The following LRP1B variants were observed in gnomAD, a reference collection of about 807,000 sequenced individuals.
LRP1B encodes LDL receptor related protein 1B, also known as low-density lipoprotein receptor-related protein 1B.
Under a neutral mutation model 556.6 loss-of-function variants are expected in LRP1B, and 217 were observed. The observed-to-expected ratio is 0.39, with a 90% CI of 0.35 to 0.44. LRP1B has a LOEUF of 0.44. LRP1B is among the 20% of genes least tolerant of loss of function. The pLI, the probability that LRP1B is intolerant of heterozygous loss-of-function variation, is 1.00. For missense variants in LRP1B, 5,053 were observed against 5,620.8 expected (o/e 0.90, Z 3.23); for synonymous variants, 2,047 against 1,865.8 (o/e 1.10, Z -2.50).
At chr2:141,651,552 C>G (rs1264135416) in intron 2 of LRP1B, among the ~76,000 whole-genome samples, 1 of 152,076 alleles carries the variant, frequency 6.6e-6, no homozygotes. Context: ...GTAATACCAA[C>G]TACTCAGGAG....
chr2:141,211,344 G>A lies in LRP1B; in HGVS notation c.850+17839C>T, dbSNP rs958480002. On this transcript the variant is annotated intron_variant, in intron 6 of 90. Coordinates refer to ENST00000389484, the MANE Select transcript of LRP1B (RefSeq NM_018557.3). ...AAACAAAAACTAAGCATTCAGGGCC[G>A]GGCACGGTGCCTCATGCCTGTAATC... 8.6e-5 allele frequency among the ~76,000 whole-genome samples: 13 copies of A among 151,530 alleles called. No homozygotes were observed. The East Asian group carries it at 2.1e-3, about 25-fold the overall frequency.
intron 2 of LRP1B, among the ~76,000 whole-genome samples, chr2:141,612,034 G>A (rs935094515): frequency 5.3e-5 from 8 of 152,302 alleles, no homozygotes; most frequent in African/African-American, 1.7e-4. Flanking sequence ...ACAATGGGTA[G>A]CGTTTTATTA....
At chr2:140,326,004 G>A in intron 79 of LRP1B, 126 bp from the exon 80 acceptor site, 1 of 627,722 alleles carries the variant, frequency 1.6e-6, no homozygotes, top group South Asian at 2.0e-5. Context: ...AAATTACCTG[G>A]TGCCCATCAT....
At chr2:141,391,249 T>C (rs1450615308) in intron 3 of LRP1B, among the ~76,000 whole-genome samples, 1 of 152,212 alleles carries the variant, frequency 6.6e-6, no homozygotes, top group African/African-American at 2.4e-5. Flanking sequence ...CACCATAGCC[T>C]AGTACCTTCT....
At chr2:140,336,185 G>A (rs181814551) in intron 77 of LRP1B, among the ~76,000 whole-genome samples, 13 of 151,958 alleles carry the variant, frequency 8.6e-5, no homozygotes, top group Non-Finnish European at 1.3e-4. Context: ...GATTAGTGGC[G>A]TAAAATGTAA....
rs183840482 is a variant in LRP1B, at chr2:141,661,133, C to G, written c.205+149146G>C. 9.2e-5 allele frequency among the ~76,000 whole-genome samples: 14 copies of G among 152,304 alleles called. No individual in the cohort carries two copies. In the East Asian group the frequency reaches 1.4e-3, roughly 15 times the overall value. ...ACAAACAAACAGAAAGCAACAACAA[C>G]AGCATCAACAAAATGTTCCCACAAA... is the stretch of plus-strand genomic sequence containing the variant. On this transcript the variant is annotated intron_variant, in intron 2 of 90. Transcript: ENST00000389484.
Position 142,042,364 on chromosome 2 carries a change from T to A in LRP1B, c.82+88284A>T, listed in dbSNP as rs180733372. Among the ~76,000 whole-genome samples the A allele has an allele frequency of 3.1e-4, 47 of 151,564 alleles. No homozygotes were observed. In the East Asian group the frequency reaches 8.0e-3, roughly 26 times the overall value. On this transcript the variant is annotated intron_variant, in intron 1 of 90. Coordinates refer to ENST00000389484, the MANE Select transcript of LRP1B (RefSeq NM_018557.3). The stretch of plus-strand genomic sequence containing the variant: ...AATGTTTGTGTTCGTTGGTGAAGGC[T>A]GAGCTAATTAGGACGGAAAGTTGAA...
In LRP1B at chr2:140,878,587, G is replaced by T. The variant is rs555406436; in HGVS notation, c.4169+5230C>A. On this transcript the variant is annotated intron_variant, in intron 25 of 90. Transcript: ENST00000389484. ...TTTCATAGACAACAGGTTGTTATTTGTCAGTTGCTTTTAAACTTAGCATTA... is the reference window on the plus strand; with the variant it reads ...TTTCATAGACAACAGGTTGTTATTTTTCAGTTGCTTTTAAACTTAGCATTA... Among the ~76,000 whole-genome samples the T allele has an allele frequency of 1.4e-4, 21 of 152,174 alleles. No individual in the cohort carries two copies. The South Asian group carries it at 4.1e-3, about 30-fold the overall frequency.
chr2:140,825,996 C>T (rs1405808095), intron 31 of LRP1B, among the ~76,000 whole-genome samples: 4 of 152,112 alleles, frequency 2.6e-5, no homozygotes, highest in African/African-American at 9.7e-5. Context: ...AGATTATACT[C>T]AAAAATCTGG....
intron 32 of LRP1B, among the ~76,000 whole-genome samples, chr2:140,779,714 AGTGT>A (rs1553531423): frequency 1.5e-5 from 2 of 136,290 alleles, no homozygotes; most frequent in Non-Finnish European, 3.1e-5. Context: ...AAAAAAAAAA[AGTGT>A]GTGTGTGTGT....
chr2:141,215,419 G>A (rs1682757598), intron 6 of LRP1B, among the ~76,000 whole-genome samples: 2 of 152,152 alleles, frequency 1.3e-5, no homozygotes, highest in South Asian at 4.1e-4. Context: ...GTGGGGTCTT[G>A]CTATAAAGAT....
chr2:141,274,404 C>T (rs915983411), intron 3 of LRP1B, among the ~76,000 whole-genome samples: 2 of 152,136 alleles, frequency 1.3e-5, no homozygotes, highest in Non-Finnish European at 2.9e-5. Flanking sequence ...CAAGCTACAA[C>T]ATGAGTAAAA....
At position 140,989,669 on chromosome 2, in the gene LRP1B, G is replaced by C; in HGVS notation, c.2645-12C>G. The C allele has an allele frequency of 1.2e-6, 2 of 1,611,048 alleles. No individual in the cohort carries two copies. Among genetic ancestry groups the C allele is most frequent in the Non-Finnish European group, 1.7e-6 (2 of 1,178,342 alleles). On this transcript the variant is annotated splice_polypyrimidine_tract_variant and intron_variant, in intron 16 of 90. Transcript: ENST00000389484. Reference sequence around the variant, plus strand: ...ACAGCTATGATTGACTGGGAGGGAGGGGGAAGCAAGATTAATTATTTAAAA... The same window carrying C: ...ACAGCTATGATTGACTGGGAGGGAGCGGGAAGCAAGATTAATTATTTAAAA...
chr2:141,550,539 C>A (rs1370154596), intron 2 of LRP1B, among the ~76,000 whole-genome samples: 6 of 152,034 alleles, frequency 3.9e-5, no homozygotes, highest in Non-Finnish European at 8.8e-5. Context: ...GTAAAATGAA[C>A]CTAGAATTAG....
intron 7 of LRP1B, among the ~76,000 whole-genome samples, chr2:141,126,038 T>TTTA (rs759132267): frequency 5.7e-4 from 12 of 21,166 alleles, no homozygotes; most frequent in African/African-American, 2.4e-3. Flanking sequence ...CTTCCTTTTA[T>TTTA]TTTTTTTTTT....
chr2:140,468,375 T>A (rs2105338528), intron 60 of LRP1B, among the ~76,000 whole-genome samples: 1 of 152,200 alleles, frequency 6.6e-6, no homozygotes, highest in East Asian at 1.9e-4. Context: ...GGGGTTGGGG[T>A]AGACAACTGC....
intron 7 of LRP1B, among the ~76,000 whole-genome samples, chr2:141,087,184 T>C (rs1406396912): frequency 2.1e-5 from 2 of 96,606 alleles, no homozygotes; most frequent in Admixed American, 2.4e-4. Context: ...TCAGAAATAC[T>C]AGTGAGTATT....
At chr2:140,758,843 T>C (rs1688824749) in intron 35 of LRP1B, among the ~76,000 whole-genome samples, 1 of 152,194 alleles carries the variant, frequency 6.6e-6, no homozygotes, top group African/African-American at 2.4e-5. Flanking sequence ...CACTAATAAA[T>C]CTTAGCTCTT....
At chr2:141,635,075 G>A (rs865903150) in intron 2 of LRP1B, among the ~76,000 whole-genome samples, 3 of 98,594 alleles carry the variant, frequency 3.0e-5, no homozygotes, top group African/African-American at 4.5e-5. Flanking sequence ...CACCAAGTAA[G>A]CTTTTAGAGA....
Sources: allele counts gnomAD v4.1 joint callset (sites outside exome capture counted in the v4.1 genomes callset), GRCh38; gene constraint gnomAD v4.1.1; transcripts MANE v1.5; gene names NCBI Gene and HGNC (gene_info 2026-07-23, HGNC 2026-07-21).